The following CPED1 variants were observed in gnomAD, a reference collection of about 807,000 sequenced individuals.
CPED1 encodes cadherin like and PC-esterase domain containing 1, also known as cadherin-like and PC-esterase domain-containing protein 1.
A neutral mutation model predicts 128.2 loss-of-function variants in CPED1; 114 were observed. That is an observed-to-expected ratio of 0.89 (90% CI 0.76 to 1.04). The LOEUF (loss-of-function observed/expected upper bound fraction) is 1.04, where lower values mean the gene tolerates loss of function less well. CPED1 is among the 50% of genes least tolerant of loss of function. The pLI is 0.00. For synonymous variants in CPED1, 462 were observed against 426.7 expected, an observed-to-expected ratio of 1.08 and a Z score of -1.02; for missense variants, 1,211 against 1,207.1, an observed-to-expected ratio of 1.00 and a Z score of -0.05.
At chr7:121,088,304 A>G (rs1270728132) in intron 5 of CPED1, among the ~76,000 whole-genome samples, 3 of 152,194 alleles carry the variant, frequency 2.0e-5, no homozygotes, top group African/African-American at 7.2e-5. Context: ...TGGTAAAAGC[A>G]TCTTGCCAGC....
intron 14 of CPED1, 42 bp downstream of exon 14, chr7:121,136,132 T>G: frequency 6.6e-7 from 1 of 1,525,802 alleles, no homozygotes; most frequent in Non-Finnish European, 8.7e-7. Context: ...AATAAACAAT[T>G]AGGGAACAGC....
intron 16 of CPED1, among the ~76,000 whole-genome samples, chr7:121,209,568 C>G (rs2116588993): frequency 6.6e-6 from 1 of 151,984 alleles, no homozygotes; most frequent in Non-Finnish European, 1.5e-5. Flanking sequence ...AAAAATAAAA[C>G]TAGACCCCTA....
intron 18 of CPED1, among the ~76,000 whole-genome samples, chr7:121,246,944 T>A (rs1291218605): frequency 2.0e-5 from 3 of 152,204 alleles, no homozygotes. Flanking sequence ...AAATTCAAAT[T>A]TGCCAACACA....
intron 7 of CPED1, among the ~76,000 whole-genome samples, chr7:121,111,621 G>T (rs1196223168): frequency 1.3e-5 from 2 of 152,174 alleles, no homozygotes; most frequent in African/African-American, 2.4e-5. Flanking sequence ...CAATGTTTGG[G>T]ATGGAAGCCA....
At chr7:121,022,022 C>T (rs763514212) in intron 3 of CPED1, among the ~76,000 whole-genome samples, 4 of 151,810 alleles carry the variant, frequency 2.6e-5, no homozygotes, top group Non-Finnish European at 4.4e-5. Flanking sequence ...CTGACATACT[C>T]TCCTGGATTA....
chr7:121,094,560 T>C (rs1309418162), intron 5 of CPED1, among the ~76,000 whole-genome samples: 1 of 152,186 alleles, frequency 6.6e-6, no homozygotes, highest in Non-Finnish European at 1.5e-5. Context: ...ATTTCAAATA[T>C]TTCCTGAGCA....
chr7:121,265,629 T>C (rs772967199), intron 18 of CPED1, among the ~76,000 whole-genome samples: 1 of 152,030 alleles, frequency 6.6e-6, no homozygotes, highest in Non-Finnish European at 1.5e-5. Context: ...ATTACACTAG[T>C]GCAGGTTTGA....
intron 17 of CPED1, among the ~76,000 whole-genome samples, chr7:121,239,816 T>C (rs1393888020): frequency 6.6e-6 from 1 of 152,192 alleles, no homozygotes; most frequent in Non-Finnish European, 1.5e-5. Context: ...TAATTATAAG[T>C]CAAATGACTT....
chr7:121,230,920 T>C (rs1165903604), intron 16 of CPED1, among the ~76,000 whole-genome samples: 1 of 152,020 alleles, frequency 6.6e-6, no homozygotes, highest in Non-Finnish European at 1.5e-5. Context: ...CTGTCATAGT[T>C]ATATTGAAAT....
At chr7:121,015,593 T>G (rs989274051) in intron 2 of CPED1, 72 bp from the exon 3 acceptor site, 36 of 1,334,706 alleles carry the variant, frequency 2.7e-5, no homozygotes, top group South Asian at 1.3e-4. Flanking sequence ...AGCCCTTGAT[T>G]TGCATTCATG....
At chr7:121,263,878 T>A (rs1792069647) in intron 18 of CPED1, among the ~76,000 whole-genome samples, 2 of 152,068 alleles carry the variant, frequency 1.3e-5, no homozygotes, top group South Asian at 4.1e-4. Context: ...AAAAGCTAGA[T>A]CTCAAAGGTC....
intron 6 of CPED1, 99 bp from the exon 7 acceptor site, chr7:121,099,827 C>A: frequency 1.6e-6 from 2 of 1,281,566 alleles, no homozygotes; most frequent in South Asian, 1.5e-5. Context: ...TGGCGTCCTA[C>A]AAAGGATAGA....
chr7:121,050,923 G>C, intron 4 of CPED1: 1 of 488,602 alleles, frequency 2.0e-6, no homozygotes, highest in Non-Finnish European at 4.2e-6. Context: ...CCAAGAAGAA[G>C]GTCATGAAGG....
chr7:121,013,675 G>T, intron 2 of CPED1, among the ~76,000 whole-genome samples: 1 of 152,184 alleles, frequency 6.6e-6, no homozygotes, highest in East Asian at 1.9e-4. Context: ...GTGCAGCCAG[G>T]TGATTTGAAT....
At chr7:121,286,201 G>A (rs759266274) in intron 22 of CPED1, among the ~76,000 whole-genome samples, 21 of 152,120 alleles carry the variant, frequency 1.4e-4, no homozygotes, top group African/African-American at 5.1e-4. Flanking sequence ...CAGCATGGAG[G>A]TAACTACCCC....
At chr7:120,996,330 T>TA (rs141196053) in intron 2 of CPED1, among the ~76,000 whole-genome samples, 4,754 of 152,022 alleles carry the variant, frequency 0.031, 249 homozygotes, top group African/African-American at 0.1. Flanking sequence ...TTAATAGAGG[T>TA]AAAAAAACCC....
intron 16 of CPED1, among the ~76,000 whole-genome samples, chr7:121,216,255 G>C (rs1321080032): frequency 7.4e-6 from 1 of 134,782 alleles, no homozygotes; most frequent in Non-Finnish European, 1.7e-5. Flanking sequence ...TTGTGTGCGT[G>C]GCTTCCATCT....
intron 16 of CPED1, among the ~76,000 whole-genome samples, chr7:121,169,145 A>G (rs946632566): frequency 1.3e-5 from 2 of 152,212 alleles, no homozygotes; most frequent in African/African-American, 4.8e-5. Flanking sequence ...GAATATGTAT[A>G]CAAGTTTCAA....
At chr7:121,024,336 TC>T (rs1170070239) in intron 3 of CPED1, among the ~76,000 whole-genome samples, 1 of 152,172 alleles carries the variant, frequency 6.6e-6, no homozygotes, top group Non-Finnish European at 1.5e-5. Context: ...TCTTTACCCT[TC>T]GCTGTGCACA....
Sources: allele counts gnomAD v4.1 joint callset (sites outside exome capture counted in the v4.1 genomes callset), GRCh38; gene constraint gnomAD v4.1.1; transcripts MANE v1.5; gene names NCBI Gene and HGNC (gene_info 2026-07-23, HGNC 2026-07-21).